Variants in AJUBA observed in about 807,000 individuals in gnomAD.
AJUBA encodes the protein ajuba LIM protein.
In AJUBA, 20 loss-of-function variants were observed where a neutral mutation model predicts 53.3. That is an observed-to-expected ratio of 0.38 (90% CI 0.26 to 0.55). The LOEUF (loss-of-function observed/expected upper bound fraction) is 0.55, where lower values mean the gene tolerates loss of function less well. Ranked by LOEUF, AJUBA falls within the 20% of genes least tolerant of loss-of-function variation. The pLI, the probability that AJUBA is intolerant of heterozygous loss-of-function variation, is 0.80. For missense variants in AJUBA, 580 were observed against 730.5 expected (o/e 0.79, Z 2.38); for synonymous variants, 296 against 306.2 (o/e 0.97, Z 0.35).
At chr14:22,974,010 C>T (rs753742673) in intron 7 of AJUBA, 37 bp downstream of exon 7, 20 of 1,613,154 alleles carry the variant, frequency 1.2e-5, no homozygotes, top group African/African-American at 4.0e-5. Flanking sequence ...TCCCCATTTC[C>T]ACTTCTTCTC....
chr14:22,982,186 A>G lies in AJUBA; in HGVS notation c.81T>C (p.Ser27=). 6.2e-7 allele frequency: 1 copy of G among 1,613,840 alleles called. No homozygotes were observed. Residue 27 remains serine (S), a synonymous_variant, in exon 1 of 8, where the codon TCT becomes TCC. Coordinates refer to ENST00000262713, the MANE Select transcript of AJUBA (RefSeq NM_032876.6). ...RRKGESSRSG[S]DGTPGPGKGR... ...CCTTGCCCGGCCCGGGGGTCCCGTCAGACCCAGACCGGCTAGATTCACCCT... is the reference window on the plus strand; with the variant it reads ...CCTTGCCCGGCCCGGGGGTCCCGTCGGACCCAGACCGGCTAGATTCACCCT...
At position 22,981,994 on chromosome 14, in the gene AJUBA, C is replaced by G; in HGVS notation, c.273G>C (p.Ala91=). The change falls in exon 1 of 8, where the codon GCG becomes GCC. Residue 91 remains alanine, a synonymous_variant. Transcript: ENST00000262713. ...EAPRYEGSFP[A]GPPPTRALPL... The stretch of plus-strand genomic sequence containing the variant: ...GCAAGGCCCGGGTGGGCGGCGGCCC[C>G]GCGGGAAAAGAGCCTTCGTAGCGCG... 6.3e-7 allele frequency: 1 copy of G among 1,581,348 alleles called. No individual in the cohort carries two copies. Among genetic ancestry groups the G allele is most frequent in the Non-Finnish European group, 8.6e-7 (1 of 1,169,352 alleles).
intron 4 of AJUBA, among the ~76,000 whole-genome samples, 174 bp downstream of exon 4, chr14:22,976,282 A>G (rs1259271035): frequency 1.3e-5 from 2 of 152,056 alleles, no homozygotes; most frequent in Non-Finnish European, 2.9e-5. Flanking sequence ...CCCAGACTTG[A>G]TCCCATAGGC....
intron 4 of AJUBA, 141 bp downstream of exon 4, chr14:22,976,315 T>C (rs2045035871): frequency 2.2e-6 from 2 of 916,196 alleles, no homozygotes; most frequent in Non-Finnish European, 3.5e-6. Context: ...CTGTAAACAG[T>C]TGCTCTGGGG....
chr14:22,974,159 C>CT (rs767370021), intron 6 of AJUBA, 44 bp from the exon 7 acceptor site: 1 of 1,604,308 alleles, frequency 6.2e-7, no homozygotes, highest in African/African-American at 1.3e-5. Flanking sequence ...AGCATGTTGC[C>CT]TCACCTCCAC....
rs141651121 is a variant in AJUBA at position 22,977,329 on chromosome 14, G to C, written c.1109-617C>G. On this transcript the variant is annotated intron_variant, in intron 2 of 7. Coordinates refer to ENST00000262713, the MANE Select transcript of AJUBA (RefSeq NM_032876.6). The stretch of plus-strand genomic sequence containing the variant: ...GAGGGACCCAGAGTCACTGGGGTAA[G>C]AGACAACCCAGGATCTTCTTCCAGC... 7.6e-5 allele frequency: 34 copies of C among 445,748 alleles called. No homozygotes were observed. The East Asian group carries it at 3.8e-3, about 49-fold the overall frequency. The allele number at this position is 445,748 out of a possible 1,614,324, so 27.6% of individuals were successfully genotyped here. A position where few individuals can be genotyped will look rare whatever the true frequency, so the allele number is the denominator to read the frequency against.
In AJUBA at chr14:22,981,597, AGCCGAACCCCGCGG is replaced by A. The variant is rs1467147532; in HGVS notation, c.656_669del (p.Pro219LeufsTer82). ...GGATACGAGTGGCGGCTTTCCTGGC[AGCCGAACCCCGCGG>A]GCCGCTGAGCGTACAATCGGTCCAG... On this transcript the variant is annotated frameshift_variant, in exon 1 of 8. Coordinates refer to ENST00000262713, the MANE Select transcript of AJUBA (RefSeq NM_032876.6). LOFTEE classifies it high-confidence loss of function. The A allele has an allele frequency of 6.5e-7, 1 of 1,544,464 alleles. No homozygotes were observed. Among genetic ancestry groups the A allele is most frequent in the African/African-American group, 1.4e-5 (1 of 73,634 alleles).
rs1262006397 is a variant in AJUBA, at chr14:22,973,086, A to G, written c.*357T>C. 4.2e-6 allele frequency: 1 copy of G among 240,016 alleles called. No individual in the cohort carries two copies. The highest frequency in any genetic ancestry group is 8.3e-6 in the Non-Finnish European group (1 of 121,040). The allele number at this position is 240,016 out of a possible 1,614,324, so 14.9% of individuals were successfully genotyped here. Reference sequence around the variant, plus strand: ...GGTGGGAGGATCATTCGAGCCCAGGAGTTCAAGACTAGCCTGGGCAACATG... The same window carrying G: ...GGTGGGAGGATCATTCGAGCCCAGGGGTTCAAGACTAGCCTGGGCAACATG... On this transcript the variant is annotated 3_prime_UTR_variant, in exon 8 of 8. Coordinates refer to ENST00000262713, the MANE Select transcript of AJUBA (RefSeq NM_032876.6).
chr14:22,973,241 C>T lies in AJUBA; in HGVS notation c.*202G>A, dbSNP rs1007569997. 1.2e-6 allele frequency: 1 copy of T among 808,238 alleles called. No individual in the cohort carries two copies. Among genetic ancestry groups the T allele is most frequent in the South Asian group, 1.8e-5 (1 of 54,700 alleles). The allele number at this position is 808,238 out of a possible 1,614,324, so 50.1% of individuals were successfully genotyped here. On this transcript the variant is annotated 3_prime_UTR_variant, in exon 8 of 8. Transcript: ENST00000262713. ...CACACATGGGAAAAAGGCCAGTCGC[C>T]CCCACCCTGGTAAATATAAGGTTTC...
Position 22,981,915 on chromosome 14 carries a change from G to A in AJUBA, c.352C>T (p.Leu118Phe), listed in dbSNP as rs2045102645. ...DFRLEPTAPA[L>F]SPRSSFASSS... Reference sequence around the variant, plus strand: ...CTGGCGAAGCTAGAGCGGGGGCTGAGGGCCGGGGCCGTGGGCTCCAGCCGA... The same window carrying A: ...CTGGCGAAGCTAGAGCGGGGGCTGAAGGCCGGGGCCGTGGGCTCCAGCCGA... Residue 118 changes from leucine (L) to phenylalanine (F), a missense_variant, in exon 1 of 8, where the codon CTC (leucine) becomes TTC (phenylalanine). Transcript: ENST00000262713. 2 of 1,554,130 alleles carry A rather than the reference G, an allele frequency of 1.3e-6. No homozygotes were observed. Among genetic ancestry groups the A allele is most frequent in the African/African-American group, 2.7e-5 (2 of 73,402 alleles).
intron 4 of AJUBA, 64 bp downstream of exon 4, chr14:22,976,392 T>G: frequency 6.6e-7 from 1 of 1,506,136 alleles, no homozygotes; most frequent in Non-Finnish European, 9.2e-7. Flanking sequence ...CAATATCCAT[T>G]TAGTCCCTGA....
intron 4 of AJUBA, 154 bp from the exon 5 acceptor site, chr14:22,975,258 G>T: frequency 1.8e-6 from 2 of 1,086,940 alleles, no homozygotes; most frequent in Non-Finnish European, 2.6e-6. Flanking sequence ...TCGTAAAATG[G>T]AGGCGGAGAC....
intron 1 of AJUBA, among the ~76,000 whole-genome samples, chr14:22,980,041 C>T (rs907682550): frequency 2.6e-5 from 4 of 151,952 alleles, no homozygotes; most frequent in South Asian, 2.1e-4. Flanking sequence ...TATAGCCTGC[C>T]GCCCTGCTAC....
At chr14:22,978,990 G>T in intron 1 of AJUBA, 3 of 1,289,178 alleles carry the variant, frequency 2.3e-6, no homozygotes, top group Non-Finnish European at 3.0e-6. Flanking sequence ...AAAAGGATCT[G>T]GCTTGGCAGA....
chr14:22,974,700 G>T, intron 6 of AJUBA, 139 bp downstream of exon 6: 1 of 1,011,860 alleles, frequency 9.9e-7, no homozygotes, highest in Non-Finnish European at 1.4e-6. Flanking sequence ...GACCCCAAGA[G>T]GCAGAGTCAC....
At chr14:22,981,168 C>T (rs2045087727) in intron 1 of AJUBA, 93 bp downstream of exon 1, 3 of 1,466,372 alleles carry the variant, frequency 2.0e-6, no homozygotes, top group Non-Finnish European at 2.7e-6. Flanking sequence ...TCACCTCGGA[C>T]CCCGGGGCAC....
chr14:22,978,649 G>T lies in AJUBA; in HGVS notation c.1007-204C>A, dbSNP rs2045060034. The T allele has an allele frequency of 3.0e-6, 4 of 1,350,960 alleles. No individual in the cohort carries two copies. In the African/African-American group the frequency reaches 5.9e-5, roughly 20 times the overall value. 83.7% of individuals were successfully genotyped at this position (1,350,960 alleles called of 1,614,324 possible). ...TTCTTGTTTATTTAATTACTCAACAGATATTTTCTGAGCATCTGTTTTGTG... is the reference window on the plus strand; with the variant it reads ...TTCTTGTTTATTTAATTACTCAACATATATTTTCTGAGCATCTGTTTTGTG... On this transcript the variant is annotated intron_variant, in intron 1 of 7. Coordinates refer to ENST00000262713, the MANE Select transcript of AJUBA (RefSeq NM_032876.6).
At chr14:22,975,241 G>C in intron 4 of AJUBA, 137 bp from the exon 5 acceptor site, 1 of 1,248,898 alleles carries the variant, frequency 8.0e-7, no homozygotes, top group Non-Finnish European at 1.1e-6. Flanking sequence ...TAATGTCGGT[G>C]AAGAAGTCGT....
chr14:22,981,633 C>T lies in AJUBA; in HGVS notation c.634G>A (p.Asp212Asn). Residue 212 changes from aspartate (D) to asparagine (N), a missense_variant, in exon 1 of 8, where the codon GAC becomes AAC. Around this residue, in one of 2 missense-constraint regions of AJUBA, gnomAD observed 430 missense variants for 471.5 expected, o/e 0.91. Coordinates refer to ENST00000262713, the MANE Select transcript of AJUBA (RefSeq NM_032876.6). ...SAYPELHAAL[D>N]RLYAQRPAGF... ...GCGGGCCGCTGAGCGTACAATCGGT[C>T]CAGGGCGGCGTGGAGCTCCGGGTAG... 1 of 1,522,600 alleles carries T rather than the reference C, an allele frequency of 6.6e-7. No individual in the cohort carries two copies. The highest frequency in any genetic ancestry group is 8.8e-7 in the Non-Finnish European group (1 of 1,137,718). 94.3% of individuals were successfully genotyped at this position (1,522,600 alleles called of 1,614,324 possible).
Sources: allele counts gnomAD v4.1 joint callset (sites outside exome capture counted in the v4.1 genomes callset), GRCh38; gene constraint gnomAD v4.1.1; regional missense constraint gnomAD v4.1.1; transcripts MANE v1.5; gene names NCBI Gene and HGNC (gene_info 2026-07-23, HGNC 2026-07-21).